Variants in SYT17 observed in about 807,000 individuals in gnomAD.
SYT17 encodes synaptotagmin 17.
SYT17 carries 22 observed loss-of-function variants against 46.7 expected under a neutral mutation model. The observed-to-expected ratio is 0.47, with a 90% CI of 0.34 to 0.67. The LOEUF is 0.67. Among genes scored for constraint, SYT17 ranks in the 30% least tolerant of loss-of-function variants. SYT17 has a pLI of 0.01. For missense variants in SYT17, 519 were observed against 612.8 expected, an observed-to-expected ratio of 0.85 and a Z score of 1.62; for synonymous variants, 251 against 248.4, an observed-to-expected ratio of 1.01 and a Z score of -0.10.
chr16:19,238,201 A>G (rs1966874884), intron 7 of SYT17, among the ~76,000 whole-genome samples: 1 of 152,306 alleles, frequency 6.6e-6, no homozygotes, highest in African/African-American at 2.4e-5. Flanking sequence ...ACCATTCCCT[A>G]TCTTGGCCAA....
chr16:19,225,328 T>C (rs887477749), intron 7 of SYT17, among the ~76,000 whole-genome samples: 2 of 152,102 alleles, frequency 1.3e-5, no homozygotes, highest in African/African-American at 2.4e-5. Context: ...AAAAGGGATT[T>C]TTAAAGTCTT....
intron 3 of SYT17, among the ~76,000 whole-genome samples, chr16:19,178,983 G>A (rs1422211786): frequency 6.6e-6 from 1 of 151,778 alleles, no homozygotes; most frequent in Non-Finnish European, 1.5e-5. Context: ...ATCACTTTGA[G>A]CCCAGGAGTT....
At position 19,180,420 on chromosome 16, in the gene SYT17, G is replaced by A. The variant is rs745539995; in HGVS notation, c.212G>A (p.Gly71Asp). The change falls in exon 4 of 8, where the codon GGT (glycine) becomes GAT (aspartate). Residue 71 changes from glycine (G) to aspartate (D), a missense_variant. Coordinates refer to ENST00000355377, the MANE Select transcript of SYT17 (RefSeq NM_016524.4). The part of the protein sequence containing the change: ...LMASRSSDKD[G>D]DSVHTASEVP... ...GCCAGCCGGAGCAGTGACAAGGATGGTGACTCTGTCCACACGGCCAGCGAA... is the reference window on the plus strand; with the variant it reads ...GCCAGCCGGAGCAGTGACAAGGATGATGACTCTGTCCACACGGCCAGCGAA... 1.9e-6 allele frequency: 3 copies of A among 1,614,088 alleles called. No individual in the cohort carries two copies. The highest frequency in any genetic ancestry group is 2.2e-5 in the South Asian group (2 of 91,090).
chr16:19,203,037 A>G (rs965392145), intron 5 of SYT17, among the ~76,000 whole-genome samples: 1 of 151,880 alleles, frequency 6.6e-6, no homozygotes, highest in African/African-American at 2.4e-5. Flanking sequence ...TCCAATATGT[A>G]TTTTCTATTC....
At chr16:19,214,137 G>C (rs1966004446) in intron 5 of SYT17, among the ~76,000 whole-genome samples, 1 of 152,156 alleles carries the variant, frequency 6.6e-6, no homozygotes, top group African/African-American at 2.4e-5. Flanking sequence ...TGTCCCTGGA[G>C]GTGGCAGCAG....
intron 7 of SYT17, among the ~76,000 whole-genome samples, chr16:19,255,688 G>C (rs1054576654): frequency 4.6e-5 from 7 of 152,148 alleles, no homozygotes; most frequent in African/African-American, 1.7e-4. Context: ...AGGAACCTGA[G>C]CCAGGAGGAT....
At position 19,197,536 on chromosome 16, in the gene SYT17, C is replaced by A. The variant is rs115287575; in HGVS notation, c.951+13389C>A. Reference sequence around the variant, plus strand: ...CAGTAAGAGTTCACTGCAGCTTCTACCTCCTTGGCTCAAGCAATCCTCCTG... The same window carrying A: ...CAGTAAGAGTTCACTGCAGCTTCTAACTCCTTGGCTCAAGCAATCCTCCTG... On this transcript the variant is annotated intron_variant, in intron 5 of 7. Transcript: ENST00000355377. 3.4e-3 allele frequency among the ~76,000 whole-genome samples: 517 copies of A among 152,088 alleles called. 1 individual carries two copies. Among genetic ancestry groups the A allele is most frequent in the African/African-American group, 0.012 (484 of 41,496 alleles).
rs115544217 is a variant in SYT17, at chr16:19,188,665, G to A, written c.951+4518G>A. Among the ~76,000 whole-genome samples, 856 of 152,182 alleles carry A rather than the reference G, an allele frequency of 5.6e-3. 6 individuals carry two copies. Among genetic ancestry groups the A allele is most frequent in the African/African-American group, 0.019 (792 of 41,524 alleles). On this transcript the variant is annotated intron_variant, in intron 5 of 7. Coordinates refer to ENST00000355377, the MANE Select transcript of SYT17 (RefSeq NM_016524.4). ...AGTACTACAAATTGAGTGGCTTAAAGCAACAAAAATTTATTGTCTCACAGG... is the reference window on the plus strand; with the variant it reads ...AGTACTACAAATTGAGTGGCTTAAAACAACAAAAATTTATTGTCTCACAGG...
At chr16:19,239,481 C>A (rs1966932042) in intron 7 of SYT17, among the ~76,000 whole-genome samples, 1 of 152,074 alleles carries the variant, frequency 6.6e-6, no homozygotes, top group African/African-American at 2.4e-5. Context: ...TGAGCAGAAC[C>A]TTTTAATCTC....
chr16:19,206,782 T>C (rs1164930856), intron 5 of SYT17, among the ~76,000 whole-genome samples: 1 of 152,118 alleles, frequency 6.6e-6, no homozygotes, highest in Non-Finnish European at 1.5e-5. Flanking sequence ...ATTTCATAAA[T>C]CCAGTCCTAT....
At chr16:19,212,105 T>A (rs1965926102) in intron 5 of SYT17, among the ~76,000 whole-genome samples, 1 of 152,188 alleles carries the variant, frequency 6.6e-6, no homozygotes. Flanking sequence ...TTTGACGATG[T>A]CTGGAGACAT....
chr16:19,170,603 C>T (rs969141747), intron 1 of SYT17: 1 of 152,138 alleles, frequency 6.6e-6, no homozygotes, highest in African/African-American at 2.4e-5. Flanking sequence ...TCATCTTGCA[C>T]CTGGGCTTTG....
intron 5 of SYT17, among the ~76,000 whole-genome samples, chr16:19,190,726 T>C (rs1964978420): frequency 6.6e-6 from 1 of 151,844 alleles, no homozygotes; most frequent in African/African-American, 2.4e-5. Flanking sequence ...GTAGCATGAG[T>C]CAGAATTTCC....
chr16:19,238,284 A>G (rs1966876139), intron 7 of SYT17, among the ~76,000 whole-genome samples: 2 of 152,190 alleles, frequency 1.3e-5, no homozygotes, highest in African/African-American at 4.8e-5. Flanking sequence ...TATTGTGGGG[A>G]CAAAAGGAAA....
chr16:19,232,150 C>T (rs951801815), intron 7 of SYT17, among the ~76,000 whole-genome samples: 11 of 152,144 alleles, frequency 7.2e-5, no homozygotes, highest in African/African-American at 2.7e-4. Flanking sequence ...ACCCCCACAC[C>T]CTGCTGCCTG....
intron 7 of SYT17, 110 bp downstream of exon 7, chr16:19,224,948 C>A: frequency 1.6e-6 from 2 of 1,251,172 alleles, no homozygotes; most frequent in Non-Finnish European, 2.2e-6. Context: ...TAATGTCTGG[C>A]ATTCAACTAC....
chr16:19,250,359 TTG>T (rs55818940), intron 7 of SYT17, among the ~76,000 whole-genome samples: 3,815 of 132,464 alleles, frequency 0.029, 65 homozygotes, highest in South Asian at 0.052. Context: ...TCAAACATGT[TTG>T]TGTGTGTGTG....
At chr16:19,252,448 C>T (rs190247384) in intron 7 of SYT17, among the ~76,000 whole-genome samples, 2 of 17,764 alleles carry the variant, frequency 1.1e-4, no homozygotes, top group Admixed American at 8.8e-4. Context: ...CATATATATA[C>T]ACATATATAC....
intron 3 of SYT17, among the ~76,000 whole-genome samples, chr16:19,173,978 G>A (rs1428906365): frequency 2.0e-5 from 3 of 152,192 alleles, no homozygotes; most frequent in African/African-American, 7.2e-5. Flanking sequence ...AGCGTGACAA[G>A]ATTCCCTAGC....
Sources: allele counts gnomAD v4.1 joint callset (sites outside exome capture counted in the v4.1 genomes callset), GRCh38; gene constraint gnomAD v4.1.1; transcripts MANE v1.5; gene names NCBI Gene and HGNC (gene_info 2026-07-23, HGNC 2026-07-21).